Variants in RBMS3 observed in about 807,000 individuals in gnomAD.
RBMS3 encodes RNA-binding motif, single-stranded-interacting protein 3.
Under a neutral mutation model 66.8 loss-of-function variants are expected in RBMS3, and 27 were observed. The ratio of observed to expected loss-of-function variants is 0.40; its 90% CI spans 0.30 to 0.56. The LOEUF (loss-of-function observed/expected upper bound fraction) is 0.56, where lower values mean the gene tolerates loss of function less well. Among genes scored for constraint, RBMS3 ranks in the 20% least tolerant of loss-of-function variants. The pLI is 0.40. For missense variants in RBMS3, 513 were observed against 549.5 expected, an observed-to-expected ratio of 0.93 and a Z score of 0.66; for synonymous variants, 188 against 183.0, an observed-to-expected ratio of 1.03 and a Z score of -0.22.
At chr3:29,602,941 C>T (rs2048197197) in intron 4 of RBMS3, among the ~76,000 whole-genome samples, 2 of 151,928 alleles carry the variant, frequency 1.3e-5, no homozygotes, top group Non-Finnish European at 2.9e-5. Context: ...ATCTTACTGA[C>T]ACCCAATTCT....
chr3:29,303,754 C>G (rs944781952), intron 1 of RBMS3, among the ~76,000 whole-genome samples: 3 of 151,972 alleles, frequency 2.0e-5, no homozygotes, highest in African/African-American at 7.2e-5. Context: ...TAGAGAAACT[C>G]TTTTCATAGC....
At chr3:29,463,405 T>G (rs192726244) in intron 2 of RBMS3, among the ~76,000 whole-genome samples, 76 of 152,256 alleles carry the variant, frequency 5.0e-4, no homozygotes, top group African/African-American at 1.7e-3. Flanking sequence ...GAGGTAAATA[T>G]GTTGAAATCC....
rs115123083 is a variant in RBMS3 at position 29,754,504 on chromosome 3, G to C, written c.558-8406G>C. Among the ~76,000 whole-genome samples, 1,064 of 152,262 alleles carry C rather than the reference G, an allele frequency of 7.0e-3. 6 individuals carry two copies. Among genetic ancestry groups the C allele is most frequent in the Middle Eastern group, 0.048 (14 of 294 alleles). ...GGGCTTACCCAGTTGACTGACCTCCGCTGACTCCAGTGAGGTCAGATGAAT... is the reference window on the plus strand; with the variant it reads ...GGGCTTACCCAGTTGACTGACCTCCCCTGACTCCAGTGAGGTCAGATGAAT... On this transcript the variant is annotated intron_variant, in intron 5 of 14. Coordinates refer to ENST00000383767, the MANE Select transcript of RBMS3 (RefSeq NM_001003793.3).
intron 1 of RBMS3, among the ~76,000 whole-genome samples, chr3:29,414,094 A>G (rs1441635510): frequency 2.0e-5 from 3 of 152,212 alleles, no homozygotes; most frequent in Non-Finnish European, 4.4e-5. Context: ...AGGATGAAGC[A>G]TTATTGACAG....
intron 8 of RBMS3, among the ~76,000 whole-genome samples, chr3:29,884,469 T>TC (rs56911907): frequency 8.9e-4 from 59 of 66,344 alleles, no homozygotes; most frequent in South Asian, 3.5e-3. Context: ...TCTCTCTCTC[T>TC]CCCCCCCCGC....
intron 6 of RBMS3, among the ~76,000 whole-genome samples, chr3:29,839,127 T>C (rs930729654): frequency 6.6e-6 from 1 of 152,158 alleles, no homozygotes; most frequent in East Asian, 1.9e-4. Context: ...CCAGTCTTCA[T>C]CTGTAGCCAT....
intron 2 of RBMS3, among the ~76,000 whole-genome samples, chr3:29,441,672 G>A (rs746052467): frequency 2.0e-5 from 3 of 152,098 alleles, no homozygotes; most frequent in Non-Finnish European, 4.4e-5. Flanking sequence ...GAATCCCTTA[G>A]GGACCTTCAG....
chr3:29,670,788 G>C (rs1216841733), intron 4 of RBMS3, among the ~76,000 whole-genome samples: 1 of 152,178 alleles, frequency 6.6e-6, no homozygotes, highest in East Asian at 1.9e-4. Flanking sequence ...CCAGCTCAAG[G>C]AGGCCTGCCT....
intron 4 of RBMS3, among the ~76,000 whole-genome samples, chr3:29,666,085 T>C (rs1262794563): frequency 6.6e-6 from 1 of 152,204 alleles, no homozygotes; most frequent in Non-Finnish European, 1.5e-5. Flanking sequence ...AGCCCGTGTG[T>C]ACTGGCATTT....
intron 4 of RBMS3, among the ~76,000 whole-genome samples, chr3:29,589,935 T>C (rs1029732927): frequency 6.6e-6 from 1 of 152,050 alleles, no homozygotes; most frequent in African/African-American, 2.4e-5. Context: ...CTTATTTAGC[T>C]AGCTTATTCC....
intron 4 of RBMS3, among the ~76,000 whole-genome samples, chr3:29,644,553 T>C (rs2049845768): frequency 6.6e-6 from 1 of 152,214 alleles, no homozygotes; most frequent in Non-Finnish European, 1.5e-5. Flanking sequence ...TTTCTAATTA[T>C]GTCGTGTCTG....
At chr3:29,784,955 A>G (rs957692990) in intron 6 of RBMS3, among the ~76,000 whole-genome samples, 27 of 152,080 alleles carry the variant, frequency 1.8e-4, no homozygotes, top group Admixed American at 1.8e-3. Flanking sequence ...ATTTCTGAAA[A>G]TATACAACCC....
At chr3:29,827,871 A>T (rs1053442400) in intron 6 of RBMS3, among the ~76,000 whole-genome samples, 6 of 152,164 alleles carry the variant, frequency 3.9e-5, no homozygotes, top group Non-Finnish European at 7.3e-5. Context: ...AAATAATAAG[A>T]TTGTGTCTCT....
intron 8 of RBMS3, among the ~76,000 whole-genome samples, chr3:29,896,114 G>T (rs2060118812): frequency 6.6e-6 from 1 of 151,134 alleles, no homozygotes; most frequent in African/African-American, 2.4e-5. Context: ...AAGAGTTAAA[G>T]TACATTTAAG....
At chr3:29,528,898 T>C (rs1044731245) in intron 3 of RBMS3, among the ~76,000 whole-genome samples, 3 of 152,040 alleles carry the variant, frequency 2.0e-5, no homozygotes, top group East Asian at 3.9e-4. Context: ...CACACCCAGC[T>C]AATTTTTTTT....
chr3:29,365,698 C>T (rs141795881), intron 1 of RBMS3, among the ~76,000 whole-genome samples: 3 of 152,204 alleles, frequency 2.0e-5, no homozygotes, highest in African/African-American at 2.4e-5. Context: ...TTGCCCTGGC[C>T]GCCTTCAAAT....
chr3:29,514,135 G>A (rs1173144536), intron 3 of RBMS3, among the ~76,000 whole-genome samples: 1 of 152,172 alleles, frequency 6.6e-6, no homozygotes, highest in Non-Finnish European at 1.5e-5. Context: ...GTAAAACATA[G>A]AGTATGTAAG....
intron 14 of RBMS3, among the ~76,000 whole-genome samples, chr3:29,997,029 A>G (rs1577352318): frequency 2.0e-5 from 3 of 151,816 alleles, no homozygotes; most frequent in African/African-American, 4.8e-5. Context: ...AGCAAGACTA[A>G]TAAAGAAAAA....
chr3:29,687,525 A>G (rs1474415319), intron 4 of RBMS3, among the ~76,000 whole-genome samples: 10 of 152,214 alleles, frequency 6.6e-5, no homozygotes, highest in Admixed American at 6.5e-4. Context: ...TTCATATTTG[A>G]CACAAGCTAT....
Sources: gnomAD v4.1 joint callset for allele counts (sites outside exome capture counted in the v4.1 genomes callset) on GRCh38, gnomAD v4.1.1 for gene constraint, MANE v1.5 for transcripts, NCBI Gene and HGNC (gene_info 2026-07-23, HGNC 2026-07-21) for gene names.